Variants in SCHIP1 observed in about 807,000 individuals in gnomAD.
SCHIP1 encodes schwannomin interacting protein 1.
A neutral mutation model predicts 29.7 loss-of-function variants in SCHIP1; 8 were observed. The ratio of observed to expected loss-of-function variants is 0.27; its 90% CI spans 0.16 to 0.49. The LOEUF (loss-of-function observed/expected upper bound fraction) is 0.49, where lower values mean the gene tolerates loss of function less well. SCHIP1 is among the 20% of genes least tolerant of loss of function. The pLI is 0.99. For missense variants in SCHIP1, 193 were observed against 294.6 expected (o/e 0.66, Z 2.52); for synonymous variants, 76 against 94.9 (o/e 0.80, Z 1.16).
the SCHIP1 span, among the ~76,000 whole-genome samples, chr3:159,669,255 G>A: frequency 6.6e-6 from 1 of 152,214 alleles, no homozygotes; most frequent in South Asian, 2.1e-4. Flanking sequence ...AGTCATCTGA[G>A]GAAAAGGAGG....
At chr3:159,345,566 C>T in the SCHIP1 span, among the ~76,000 whole-genome samples, 8 of 151,934 alleles carry the variant, frequency 5.3e-5, no homozygotes, top group Non-Finnish European at 2.9e-5. Context: ...CTCTCTCTCT[C>T]TCTCTCTCTC....
the SCHIP1 span, among the ~76,000 whole-genome samples, chr3:159,639,740 C>T: frequency 5.8e-4 from 89 of 152,230 alleles, no homozygotes; most frequent in African/African-American, 1.8e-3. Flanking sequence ...AGCCTCTCCA[C>T]GTAGTTTGGA....
chr3:159,766,247 A>T, the SCHIP1 span, among the ~76,000 whole-genome samples: 12 of 152,024 alleles, frequency 7.9e-5, no homozygotes, highest in Non-Finnish European at 1.5e-4. Flanking sequence ...GGGCTCCTGA[A>T]AATTGGGTGC....
the SCHIP1 span, among the ~76,000 whole-genome samples, chr3:159,476,669 A>G: frequency 6.6e-6 from 1 of 152,146 alleles, no homozygotes; most frequent in Admixed American, 6.6e-5. Context: ...CAATTTCTAA[A>G]TGTTATTTTA....
chr3:159,432,024 C>T, the SCHIP1 span, among the ~76,000 whole-genome samples: 1 of 151,956 alleles, frequency 6.6e-6, no homozygotes, highest in Non-Finnish European at 1.5e-5. Flanking sequence ...CATTTATTAT[C>T]TCAAACAGTT....
At chr3:159,737,688 A>C in the SCHIP1 span, among the ~76,000 whole-genome samples, 4 of 152,250 alleles carry the variant, frequency 2.6e-5, no homozygotes, top group Non-Finnish European at 4.4e-5. Context: ...AAGAAAAGAT[A>C]TCAAACTCAG....
the SCHIP1 span, among the ~76,000 whole-genome samples, chr3:159,557,217 A>G: frequency 6.6e-6 from 1 of 151,804 alleles, no homozygotes; most frequent in Non-Finnish European, 1.5e-5. Context: ...TCAGCCTCCC[A>G]AAAAAAAGAT....
chr3:159,445,229 C>T, the SCHIP1 span, among the ~76,000 whole-genome samples: 11 of 152,266 alleles, frequency 7.2e-5, no homozygotes, highest in South Asian at 2.3e-3. Context: ...TATGAACAGA[C>T]ACTTCTCAAA....
the SCHIP1 span, among the ~76,000 whole-genome samples, chr3:159,458,433 A>C: frequency 2.6e-5 from 4 of 152,250 alleles, no homozygotes; most frequent in African/African-American, 9.6e-5. Context: ...TCAGGACACA[A>C]GAGTGGCCTC....
chr3:159,438,623 T>C, the SCHIP1 span, among the ~76,000 whole-genome samples: 7 of 152,134 alleles, frequency 4.6e-5, no homozygotes, highest in Admixed American at 3.3e-4. Context: ...CTATTCTTCC[T>C]GATGTTCTCG....
the SCHIP1 span, among the ~76,000 whole-genome samples, chr3:159,486,185 A>G: frequency 7.9e-5 from 12 of 152,174 alleles, no homozygotes; most frequent in African/African-American, 2.9e-4. Context: ...GCAAATTTCC[A>G]GTATACAATA....
the SCHIP1 span, among the ~76,000 whole-genome samples, chr3:159,334,578 G>A: frequency 6.6e-6 from 1 of 152,100 alleles, no homozygotes; most frequent in Non-Finnish European, 1.5e-5. Context: ...GCCTCTTATA[G>A]TCAAATCATC....
chr3:159,807,908 C>T, the SCHIP1 span, among the ~76,000 whole-genome samples: 4 of 152,188 alleles, frequency 2.6e-5, no homozygotes, highest in South Asian at 8.3e-4. Flanking sequence ...TGAGGCCTAG[C>T]TAAGTTATGC....
At chr3:159,360,980 A>T in the SCHIP1 span, among the ~76,000 whole-genome samples, 1 of 152,132 alleles carries the variant, frequency 6.6e-6, no homozygotes, top group African/African-American at 2.4e-5. Flanking sequence ...GGTTACTTTT[A>T]TCTTTATATT....
the SCHIP1 span, among the ~76,000 whole-genome samples, chr3:159,403,149 T>G: frequency 6.6e-6 from 1 of 152,090 alleles, no homozygotes; most frequent in Non-Finnish European, 1.5e-5. Context: ...GCAAATAAAA[T>G]GTAGGGATAA....
the SCHIP1 span, among the ~76,000 whole-genome samples, chr3:159,428,738 G>C: frequency 4.0e-5 from 6 of 151,570 alleles, no homozygotes; most frequent in African/African-American, 1.2e-4. Context: ...TATAAAGACA[G>C]ATACACACGT....
At chr3:159,796,596 C>G in the SCHIP1 span, among the ~76,000 whole-genome samples, 1 of 152,198 alleles carries the variant, frequency 6.6e-6, no homozygotes, top group African/African-American at 2.4e-5. Flanking sequence ...TACAGCCCCC[C>G]TCTCCTGACA....
chr3:159,868,136 A>G (rs148062756), intron 2 of SCHIP1, among the ~76,000 whole-genome samples: 2,043 of 150,934 alleles, frequency 0.014, 45 homozygotes, highest in African/African-American at 0.047. Flanking sequence ...ACCTATATAT[A>G]ACCCATATAT....
the SCHIP1 span, among the ~76,000 whole-genome samples, chr3:159,699,612 G>A: frequency 6.6e-6 from 1 of 152,202 alleles, no homozygotes; most frequent in Non-Finnish European, 1.5e-5. Flanking sequence ...CACAGGGTGA[G>A]GCAAGGATGG....
Sources: gnomAD v4.1 joint callset for allele counts (sites outside exome capture counted in the v4.1 genomes callset) on GRCh38, gnomAD v4.1.1 for gene constraint, MANE v1.5 for transcripts, NCBI Gene and HGNC (gene_info 2026-07-23, HGNC 2026-07-21) for gene names.